The following SLC2A5 variants were observed in gnomAD, a reference collection of about 807,000 sequenced individuals.
SLC2A5 encodes solute carrier family 2, facilitated glucose transporter member 5.
Under a neutral mutation model 50.3 loss-of-function variants are expected in SLC2A5, and 56 were observed. The ratio of observed to expected loss-of-function variants is 1.11; its 90% CI spans 0.90 to 1.39. SLC2A5 has a LOEUF of 1.39. Ranked by LOEUF, SLC2A5 falls within the 40% of genes most tolerant of loss-of-function variation. SLC2A5 has a pLI of 0.00. For synonymous variants in SLC2A5, 269 were observed against 281.9 expected (o/e 0.95, Z 0.46); for missense variants, 566 against 650.1 (o/e 0.87, Z 1.41).
intron 3 of SLC2A5, among the ~76,000 whole-genome samples, chr1:9,057,030 G>A (rs779179846): frequency 3.3e-5 from 5 of 152,162 alleles, no homozygotes; most frequent in Non-Finnish European, 7.4e-5. Context: ...AGTGGCTCAC[G>A]CCTGTAATCC....
rs70985579 is a variant in SLC2A5, at chr1:9,063,681, CTTTTTTTTTTTTTT to C, written c.34-5445_34-5432del. Among the ~76,000 whole-genome samples the C allele has an allele frequency of 2.7e-3, 120 of 45,172 alleles. 3 individuals carry two copies. Among genetic ancestry groups the C allele is most frequent in the African/African-American group, 0.012 (109 of 9,098 alleles). 29.6% of individuals were successfully genotyped at this position (45,172 alleles called of 152,430 possible). On this transcript the variant is annotated intron_variant, in intron 1 of 11. Coordinates refer to ENST00000377424, the MANE Select transcript of SLC2A5 (RefSeq NM_003039.3). ...AGCCAACACATCAGGCTATTATTTA[CTTTTTTTTTTTTTT>C]TTTTTTTTTTTTTTTTTGAGACGGA... is the stretch of plus-strand genomic sequence containing the variant.
intron 3 of SLC2A5, among the ~76,000 whole-genome samples, chr1:9,053,918 C>T (rs2124389222): frequency 6.6e-6 from 1 of 151,168 alleles, no homozygotes; most frequent in Non-Finnish European, 1.5e-5. Flanking sequence ...TAGGAAAGAA[C>T]AAAAAACTAT....
chr1:9,035,977 A>G lies in SLC2A5; in HGVS notation c.*1609T>C, dbSNP rs910509285. 1.3e-5 allele frequency: 2 copies of G among 152,190 alleles called. No individual in the cohort carries two copies. The highest frequency in any genetic ancestry group is 4.8e-5 in the African/African-American group (2 of 41,426). 9.4% of individuals were successfully genotyped at this position (152,190 alleles called of 1,614,324 possible). On this transcript the variant is annotated 3_prime_UTR_variant, in exon 12 of 12. Transcript: ENST00000377424. ...GGGAAATTGCCCCCATGATTCAATTATCTCCCACAGGGTCCCTCCCAGAAC... is the reference window on the plus strand; with the variant it reads ...GGGAAATTGCCCCCATGATTCAATTGTCTCCCACAGGGTCCCTCCCAGAAC...
chr1:9,083,539 C>T (rs1642374149), intron 2 of SLC2A5, among the ~76,000 whole-genome samples: 1 of 152,138 alleles, frequency 6.6e-6, no homozygotes, highest in African/African-American at 2.4e-5. Flanking sequence ...CATACTAAAC[C>T]CTGCGGGGTT....
At chr1:9,060,104 AATACACACACACT>A (rs1045977460) in intron 1 of SLC2A5, among the ~76,000 whole-genome samples, 3 of 127,632 alleles carry the variant, frequency 2.4e-5, no homozygotes, top group Non-Finnish European at 5.0e-5. Flanking sequence ...CAACACACAC[AATACACACACACT>A]ATACACACAC....
intron 1 of SLC2A5, among the ~76,000 whole-genome samples, chr1:9,066,918 C>T (rs544170902): frequency 6.0e-5 from 9 of 150,752 alleles, no homozygotes; most frequent in Non-Finnish European, 1.2e-4. Flanking sequence ...TTCAAGGCCG[C>T]GGTGAGCTAT....
chr1:9,059,595 T>C (rs1184110118), intron 1 of SLC2A5, among the ~76,000 whole-genome samples: 2 of 146,976 alleles, frequency 1.4e-5, no homozygotes, highest in African/African-American at 5.1e-5. Flanking sequence ...TGTGGTGCTA[T>C]TATAGCTCAC....
At chr1:9,057,427 T>C (rs1557673351) in intron 3 of SLC2A5, 21 bp downstream of exon 3, 1 of 1,590,868 alleles carries the variant, frequency 6.3e-7, no homozygotes, top group East Asian at 2.2e-5. Context: ...TTCAGGGAAT[T>C]AAAAATTCAC....
intron 4 of SLC2A5, among the ~76,000 whole-genome samples, chr1:9,045,727 G>A (rs985210483): frequency 2.0e-5 from 3 of 151,970 alleles, no homozygotes; most frequent in African/African-American, 4.8e-5. Context: ...AAAATTAGCT[G>A]GGTGTGGTGG....
upstream of SLC2A5, chr1:9,071,692 G>GGGCGTCGCAAGCACAGCCAT (rs1197708059): frequency 2.0e-5 from 3 of 152,382 alleles, no homozygotes; most frequent in African/African-American, 7.2e-5. Context: ...GCCAGTGACA[G>GGGCGTCGCAAGCACAGCCAT]GGCGTCGCAA....
At chr1:9,072,461 G>A (rs12117043), upstream of SLC2A5, 37,744 of 152,128 alleles carry the variant, frequency 0.25, 5,109 homozygotes, top group Non-Finnish European at 0.31. Context: ...ACAAGAGACC[G>A]CTGGATTTGG....
At position 9,037,279 on chromosome 1, in the gene SLC2A5, T is replaced by G. The variant is rs563781275; in HGVS notation, c.*307A>C. On this transcript the variant is annotated 3_prime_UTR_variant, in exon 12 of 12. Coordinates refer to ENST00000377424, the MANE Select transcript of SLC2A5 (RefSeq NM_003039.3). ...TATGTTACCAGGAGCCACACAAAGGTTGACCCATCAAGGTGGAGCCACGTT... is the reference window on the plus strand; with the variant it reads ...TATGTTACCAGGAGCCACACAAAGGGTGACCCATCAAGGTGGAGCCACGTT... 5.2e-5 allele frequency: 19 copies of G among 363,660 alleles called. No individual in the cohort carries two copies. The highest frequency in any genetic ancestry group is 8.6e-4 in the Middle Eastern group (1 of 1,160). The allele number at this position is 363,660 out of a possible 1,614,324, so 22.5% of individuals were successfully genotyped here. A position where few individuals can be genotyped will look rare whatever the true frequency, so the allele number is the denominator to read the frequency against.
chr1:9,043,477 G>T (rs1000364781), intron 4 of SLC2A5, among the ~76,000 whole-genome samples: 1 of 152,188 alleles, frequency 6.6e-6, no homozygotes, highest in Admixed American at 6.5e-5. Flanking sequence ...GCAAAGGGCT[G>T]CAGAGGAAAG....
chr1:9,090,909 C>G (rs1642456650), upstream of SLC2A5, among the ~76,000 whole-genome samples: 1 of 152,314 alleles, frequency 6.6e-6, no homozygotes, highest in South Asian at 2.1e-4. Flanking sequence ...CAACACACCA[C>G]CAAGCTTTTA....
intron 2 of SLC2A5, among the ~76,000 whole-genome samples, chr1:9,076,144 C>G (rs1261029295): frequency 6.6e-6 from 1 of 151,860 alleles, no homozygotes; most frequent in Non-Finnish European, 1.5e-5. Context: ...TTAGTAGAGG[C>G]GGGGTTTCGC....
chr1:9,057,731 G>T, intron 2 of SLC2A5, 123 bp from the exon 3 acceptor site: 1 of 799,596 alleles, frequency 1.3e-6, no homozygotes, highest in Non-Finnish European at 2.0e-6. Flanking sequence ...ATTAACCGGG[G>T]GGTGATGGGA....
intron 4 of SLC2A5, among the ~76,000 whole-genome samples, chr1:9,045,495 T>C (rs575713827): frequency 6.3e-4 from 96 of 152,262 alleles, no homozygotes; most frequent in African/African-American, 2.1e-3. Context: ...TAATGGTCAA[T>C]AGAAAAGTGA....
chr1:9,071,010 A>C (rs1214656959), upstream of SLC2A5, among the ~76,000 whole-genome samples: 5 of 152,228 alleles, frequency 3.3e-5, no homozygotes, highest in African/African-American at 9.6e-5. Flanking sequence ...TCAAAGATCT[A>C]GAAAAAGTTT....
chr1:9,094,041 T>G, the SLC2A5 span, among the ~76,000 whole-genome samples: 2 of 152,162 alleles, frequency 1.3e-5, no homozygotes, highest in African/African-American at 4.8e-5. Flanking sequence ...CACACGCCCC[T>G]TTTACAACAA....
Sources: allele counts gnomAD v4.1 joint callset (sites outside exome capture counted in the v4.1 genomes callset), GRCh38; gene constraint gnomAD v4.1.1; transcripts MANE v1.5; gene names NCBI Gene and HGNC (gene_info 2026-07-23, HGNC 2026-07-21).